The following SYT9 variants were observed in gnomAD, a reference collection of about 807,000 sequenced individuals.
The protein encoded by SYT9 is synaptotagmin 9.
SYT9 carries 22 observed loss-of-function variants against 48.4 expected under a neutral mutation model. That is an observed-to-expected ratio of 0.45 (90% CI 0.32 to 0.65). The LOEUF (loss-of-function observed/expected upper bound fraction) is 0.65. Ranked by LOEUF, SYT9 falls within the 30% of genes least tolerant of loss-of-function variation. The pLI is 0.03. For missense variants in SYT9, 577 were observed against 622.0 expected, an observed-to-expected ratio of 0.93 and a Z score of 0.77; for synonymous variants, 265 against 245.0, an observed-to-expected ratio of 1.08 and a Z score of -0.76.
intron 3 of SYT9, among the ~76,000 whole-genome samples, chr11:7,398,903 A>C (rs1846818761): frequency 6.6e-6 from 1 of 152,186 alleles, no homozygotes; most frequent in Admixed American, 6.5e-5. Flanking sequence ...ATGGACACTC[A>C]TGCAATTATT....
At chr11:7,410,359 C>A (rs1023504918) in intron 3 of SYT9, among the ~76,000 whole-genome samples, 1 of 152,154 alleles carries the variant, frequency 6.6e-6, no homozygotes, top group Non-Finnish European at 1.5e-5. Context: ...TCCACTTGGT[C>A]TAAAGTGTAG....
chr11:7,459,890 T>C (rs946197616), intron 6 of SYT9, among the ~76,000 whole-genome samples: 2 of 152,112 alleles, frequency 1.3e-5, no homozygotes, highest in Non-Finnish European at 2.9e-5. Context: ...CCAAGAGCTT[T>C]CAGAGAAAGC....
At chr11:7,435,584 A>T (rs1258959797) in intron 6 of SYT9, 2 of 152,270 alleles carry the variant, frequency 1.3e-5, no homozygotes, top group Admixed American at 6.5e-5. Context: ...CTGGAAATAC[A>T]GTGCTGAGCC....
At chr11:7,360,904 A>G (rs1850122619) in intron 3 of SYT9, among the ~76,000 whole-genome samples, 1 of 152,098 alleles carries the variant, frequency 6.6e-6, no homozygotes, top group African/African-American at 2.4e-5. Flanking sequence ...TTTTCAAGTT[A>G]TCTATTCTTG....
At chr11:7,263,028 A>G (rs902501549) in intron 1 of SYT9, among the ~76,000 whole-genome samples, 1 of 152,194 alleles carries the variant, frequency 6.6e-6, no homozygotes, top group Non-Finnish European at 1.5e-5. Flanking sequence ...GAGGATTGCT[A>G]GAATGATATC....
intron 3 of SYT9, among the ~76,000 whole-genome samples, chr11:7,405,635 A>T (rs913405235): frequency 6.6e-6 from 1 of 152,222 alleles, no homozygotes; most frequent in African/African-American, 2.4e-5. Context: ...TGCTAAAAGA[A>T]TAGGTGAATG....
intron 1 of SYT9, among the ~76,000 whole-genome samples, chr11:7,261,476 A>G (rs1848078230): frequency 1.3e-5 from 2 of 152,210 alleles, no homozygotes; most frequent in African/African-American, 2.4e-5. Context: ...TTGTACATAC[A>G]GTAGGGAATG....
chr11:7,309,265 G>A (rs777789199), intron 2 of SYT9, among the ~76,000 whole-genome samples: 9 of 152,122 alleles, frequency 5.9e-5, no homozygotes, highest in Non-Finnish European at 1.0e-4. Flanking sequence ...GCTTCTCTAC[G>A]ACAGCATTAG....
rs1200774226 is a variant in SYT9, at chr11:7,329,433, T to A, written c.1044+15492T>A. ...CATTTTCATACTTTTGACATCTTTT[T>A]AGTTCTTTAAACTTCTCTGCTCATA... On this transcript the variant is annotated intron_variant, in intron 3 of 6. Coordinates refer to ENST00000318881, the MANE Select transcript of SYT9 (RefSeq NM_175733.4). Among the ~76,000 whole-genome samples the A allele has an allele frequency of 3.4e-4, 52 of 152,218 alleles. 1 individual carries two copies. The highest frequency in any genetic ancestry group is 3.4e-3 in the Admixed American group (52 of 15,276).
At chr11:7,310,768 A>G (rs1215793934) in intron 2 of SYT9, among the ~76,000 whole-genome samples, 1 of 152,124 alleles carries the variant, frequency 6.6e-6, no homozygotes, top group African/African-American at 2.4e-5. Flanking sequence ...TTAAGAGGTC[A>G]GCTGTATTGG....
intron 1 of SYT9, among the ~76,000 whole-genome samples, chr11:7,241,423 T>C (rs755672548): frequency 2.3e-4 from 35 of 152,212 alleles, no homozygotes; most frequent in Non-Finnish European, 4.0e-4. Flanking sequence ...TGTTCAGTTA[T>C]TAGAAAATTT....
At chr11:7,399,613 A>T (rs1317004598) in intron 3 of SYT9, among the ~76,000 whole-genome samples, 1 of 152,346 alleles carries the variant, frequency 6.6e-6, no homozygotes, top group East Asian at 1.9e-4. Context: ...AAAATCTGAC[A>T]CTGGAAGTCC....
At chr11:7,289,314 G>T (rs1848657078) in intron 1 of SYT9, among the ~76,000 whole-genome samples, 1 of 152,204 alleles carries the variant, frequency 6.6e-6, no homozygotes, top group African/African-American at 2.4e-5. Context: ...GGTTACCAGG[G>T]TCTGGAGGAG....
intron 2 of SYT9, among the ~76,000 whole-genome samples, chr11:7,311,362 G>A (rs1331396831): frequency 6.6e-6 from 1 of 152,208 alleles, no homozygotes; most frequent in African/African-American, 2.4e-5. Context: ...TAGTCCTACA[G>A]ACAAGGGTGA....
chr11:7,433,362 C>A (rs1189996728), intron 6 of SYT9, among the ~76,000 whole-genome samples: 1 of 152,132 alleles, frequency 6.6e-6, no homozygotes, highest in East Asian at 1.9e-4. Context: ...AAAGTAAATA[C>A]CATCCAAAGG....
chr11:7,370,291 C>A (rs1220467734), intron 3 of SYT9, among the ~76,000 whole-genome samples: 3 of 152,160 alleles, frequency 2.0e-5, no homozygotes, highest in Non-Finnish European at 4.4e-5. Flanking sequence ...CAAGTCACTT[C>A]TAGCAGTATT....
intron 3 of SYT9, among the ~76,000 whole-genome samples, chr11:7,388,199 G>A (rs940990972): frequency 2.0e-5 from 3 of 152,158 alleles, no homozygotes; most frequent in Non-Finnish European, 2.9e-5. Flanking sequence ...GACATTCAGA[G>A]TCAGTATTTC....
At chr11:7,448,539 G>C (rs1847981959) in intron 6 of SYT9, among the ~76,000 whole-genome samples, 1 of 152,222 alleles carries the variant, frequency 6.6e-6, no homozygotes, top group African/African-American at 2.4e-5. Flanking sequence ...CAAGATGACT[G>C]TGCTTTATTG....
chr11:7,258,983 G>T (rs1848029134), intron 1 of SYT9, among the ~76,000 whole-genome samples: 1 of 152,052 alleles, frequency 6.6e-6, no homozygotes, highest in Middle Eastern at 3.4e-3. Context: ...TAGTATCTGG[G>T]TTACTAGTTA....
Sources: gnomAD v4.1 joint callset for allele counts (sites outside exome capture counted in the v4.1 genomes callset) on GRCh38, gnomAD v4.1.1 for gene constraint, MANE v1.5 for transcripts, NCBI Gene and HGNC (gene_info 2026-07-23, HGNC 2026-07-21) for gene names.